Variants in GRIK2 observed in about 807,000 individuals in gnomAD.
The protein encoded by GRIK2 is glutamate ionotropic receptor kainate type subunit 2.
A neutral mutation model predicts 100.3 loss-of-function variants in GRIK2; 32 were observed. That is an observed-to-expected ratio of 0.32 (90% CI 0.24 to 0.43). GRIK2 has a LOEUF of 0.43. Ranked by LOEUF, GRIK2 falls within the 20% of genes least tolerant of loss-of-function variation. The pLI, the probability that GRIK2 is intolerant of heterozygous loss-of-function variation, is 1.00. For missense variants in GRIK2, 843 were observed against 1,114.9 expected (o/e 0.76, Z 3.47); for synonymous variants, 417 against 389.4 (o/e 1.07, Z -0.83).
intron 14 of GRIK2, among the ~76,000 whole-genome samples, chr6:101,969,149 A>G (rs952038048): frequency 3.3e-5 from 5 of 152,004 alleles, no homozygotes; most frequent in Non-Finnish European, 7.4e-5. Context: ...AATGAACCAC[A>G]TATAATTTAT....
chr6:102,019,825 C>A (rs758634089), intron 14 of GRIK2, among the ~76,000 whole-genome samples: 22 of 151,966 alleles, frequency 1.4e-4, no homozygotes, highest in African/African-American at 3.6e-4. Flanking sequence ...AATTAACCAT[C>A]TAACTGCTTC....
chr6:102,047,875 A>C (rs1329446722), intron 15 of GRIK2, among the ~76,000 whole-genome samples: 4 of 152,116 alleles, frequency 2.6e-5, no homozygotes, highest in Non-Finnish European at 4.4e-5. Context: ...GATTATGTGA[A>C]ATTACAAAAA....
chr6:101,977,542 G>GA (rs1217219257), intron 14 of GRIK2, among the ~76,000 whole-genome samples: 1 of 151,876 alleles, frequency 6.6e-6, no homozygotes, highest in Non-Finnish European at 1.5e-5. Context: ...TTTCTCCTTG[G>GA]AAAAATCCCA....
chr6:101,617,956 G>A (rs529837956), intron 2 of GRIK2, among the ~76,000 whole-genome samples: 2 of 151,678 alleles, frequency 1.3e-5, no homozygotes, highest in African/African-American at 4.8e-5. Flanking sequence ...ATATATATGT[G>A]TGTGTGTGTT....
chr6:101,409,722 G>A (rs1240223933), intron 2 of GRIK2, among the ~76,000 whole-genome samples: 1 of 151,800 alleles, frequency 6.6e-6, no homozygotes, highest in Non-Finnish European at 1.5e-5. Flanking sequence ...TAACTTCCAA[G>A]GATAATAGAT....
At chr6:101,744,396 T>A (rs1340458181) in intron 7 of GRIK2, among the ~76,000 whole-genome samples, 1 of 151,404 alleles carries the variant, frequency 6.6e-6, no homozygotes, top group East Asian at 2.0e-4. Flanking sequence ...TCTGAGTTAC[T>A]TCACTTAAAA....
chr6:101,777,934 C>A (rs1177162599), intron 7 of GRIK2, among the ~76,000 whole-genome samples: 1 of 152,140 alleles, frequency 6.6e-6, no homozygotes, highest in Non-Finnish European at 1.5e-5. Flanking sequence ...GTTCACTGTA[C>A]CTCTGGGGGG....
At chr6:101,931,550 GT>G (rs1413002816) in intron 14 of GRIK2, among the ~76,000 whole-genome samples, 3 of 152,130 alleles carry the variant, frequency 2.0e-5, no homozygotes, top group Non-Finnish European at 4.4e-5. Context: ...ACATAGCAGA[GT>G]TACATAGCTG....
intron 2 of GRIK2, among the ~76,000 whole-genome samples, chr6:101,618,100 CTTTT>C (rs748041896): frequency 6.6e-6 from 1 of 151,392 alleles, no homozygotes; most frequent in South Asian, 2.1e-4. Context: ...ATAAGCATCA[CTTTT>C]TGTTTTCTTT....
intron 2 of GRIK2, among the ~76,000 whole-genome samples, chr6:101,550,001 T>C (rs919826484): frequency 6.6e-6 from 1 of 152,214 alleles, no homozygotes; most frequent in Non-Finnish European, 1.5e-5. Context: ...CACCTCCTTT[T>C]GTACAGTTTT....
chr6:101,769,874 ATTC>A (rs1245158678), intron 7 of GRIK2, among the ~76,000 whole-genome samples: 8 of 152,344 alleles, frequency 5.3e-5, no homozygotes, highest in Admixed American at 5.2e-4. Context: ...AGATTATATA[ATTC>A]TTCTGAAATA....
chr6:101,822,271 T>G (rs922593010), intron 10 of GRIK2, among the ~76,000 whole-genome samples: 3 of 144,736 alleles, frequency 2.1e-5, no homozygotes, highest in Admixed American at 7.0e-5. Context: ...AATTAAGATA[T>G]AAAAGAAAAG....
At chr6:101,700,343 G>A (rs1426191095) in intron 7 of GRIK2, among the ~76,000 whole-genome samples, 2 of 151,804 alleles carry the variant, frequency 1.3e-5, no homozygotes, top group Admixed American at 6.6e-5. Context: ...GGAATTTGGG[G>A]GAAGATAGGG....
At chr6:101,596,165 A>C (rs1488938806) in intron 2 of GRIK2, among the ~76,000 whole-genome samples, 1 of 149,760 alleles carries the variant, frequency 6.7e-6, no homozygotes, top group Non-Finnish European at 1.5e-5. Context: ...AGACATTATC[A>C]GTGGTCAACT....
chr6:101,794,152 C>G (rs1023365442), intron 7 of GRIK2, among the ~76,000 whole-genome samples: 2 of 152,142 alleles, frequency 1.3e-5, no homozygotes, highest in African/African-American at 4.8e-5. Context: ...TCCCTGACCC[C>G]TTGCGCTTCC....
intron 14 of GRIK2, among the ~76,000 whole-genome samples, chr6:101,979,912 C>A (rs571425069): frequency 6.6e-6 from 1 of 151,810 alleles, no homozygotes; most frequent in African/African-American, 2.4e-5. Context: ...AGAGACAGAG[C>A]CAGTTATTTC....
rs1351115876 is a variant in GRIK2, at chr6:101,790,653, T to C, written c.952-8995T>C. On this transcript the variant is annotated intron_variant, in intron 7 of 16. Transcript: ENST00000369134. ...TTTGCATCAATGTTCATCAAGGATA[T>C]TGGTCTAAAATTCTCTTTTTTGGTT... is the stretch of plus-strand genomic sequence containing the variant. 1.3e-3 allele frequency among the ~76,000 whole-genome samples: 197 copies of C among 148,882 alleles called. 1 individual carries two copies. Among genetic ancestry groups the C allele is most frequent in the South Asian group, 0.011 (53 of 4,616 alleles).
chr6:101,725,096 G>C (rs1000670270), intron 7 of GRIK2, among the ~76,000 whole-genome samples: 1 of 152,030 alleles, frequency 6.6e-6, no homozygotes, highest in African/African-American at 2.4e-5. Flanking sequence ...TTGCCACAGT[G>C]ATCCGGGCTT....
intron 3 of GRIK2, 89 bp from the exon 4 acceptor site, chr6:101,626,287 ATGAT>A: frequency 8.9e-7 from 1 of 1,126,170 alleles, no homozygotes; most frequent in Non-Finnish European, 1.3e-6. Flanking sequence ...TTTCTTGAGA[ATGAT>A]ACCTTTGGGT....
Sources: allele counts gnomAD v4.1 joint callset (sites outside exome capture counted in the v4.1 genomes callset), GRCh38; gene constraint gnomAD v4.1.1; transcripts MANE v1.5; gene names NCBI Gene and HGNC (gene_info 2026-07-23, HGNC 2026-07-21).